Variants in SMTN observed in about 807,000 individuals in gnomAD.
SMTN encodes the protein smoothelin.
Under a neutral mutation model 102.0 loss-of-function variants are expected in SMTN, and 58 were observed. That is an observed-to-expected ratio of 0.57 (90% CI 0.46 to 0.71). SMTN has a LOEUF of 0.71. Among genes scored for constraint, SMTN ranks in the 30% least tolerant of loss-of-function variants. The pLI, the probability that SMTN is intolerant of heterozygous loss-of-function variation, is 0.00. For synonymous variants in SMTN, 478 were observed against 497.9 expected (o/e 0.96, Z 0.53); for missense variants, 1,185 against 1,241.7 (o/e 0.95, Z 0.69).
At chr22:31,102,765 G>A (rs1312027040) in intron 20 of SMTN, 2 of 152,348 alleles carry the variant, frequency 1.3e-5, no homozygotes, top group African/African-American at 4.8e-5. Context: ...CCAGGGAAGG[G>A]AGTGGGGCGG....
Position 31,083,110 on chromosome 22 carries a change from G to A in SMTN, c.-80-69G>A, listed in dbSNP as rs989946511. ...CTCCTAGGTTAGAGAGGGAAAGTAA[G>A]GCACAGAGCCTAAGTGCCTGTGGTT... On this transcript the variant is annotated intron_variant, in intron 1 of 20. Transcript: ENST00000333137. The A allele has an allele frequency of 8.0e-5, 124 of 1,542,094 alleles. No homozygotes were observed. The African/African-American group carries it at 1.5e-3, about 19-fold the overall frequency.
chr22:31,082,902 GT>G lies in SMTN; in HGVS notation c.-80-273del, dbSNP rs2042404142. ...CTCAATCCAGGTCCCTGCCCTCCCT[GT>G]TTTGAGGTTTAGACAGGATGAGAGT... On this transcript the variant is annotated intron_variant, in intron 1 of 20. Coordinates refer to ENST00000333137, the MANE Select transcript of SMTN (RefSeq NM_134269.3). 1.9e-6 allele frequency: 3 copies of G among 1,548,762 alleles called. No homozygotes were observed. In the East Asian group the frequency reaches 7.3e-5, roughly 38 times the overall value.
chr22:31,070,941 A>G (rs56071348), intron 1 of SMTN, among the ~76,000 whole-genome samples: 14 of 124,554 alleles, frequency 1.1e-4, no homozygotes, highest in African/African-American at 2.6e-4. Flanking sequence ...AAAAAAAAAA[A>G]GAAAAGAAAA....
rs1461426176 is a variant in SMTN, at chr22:31,071,675, TC to T, written c.-386+7489del. On this transcript the variant is annotated intron_variant, in intron 1 of 3. Coordinates refer to the SMTN transcript ENST00000422839. Reference sequence around the variant, plus strand: ...TCAACTGGGGAAATAGTTCTAGCTCTCTCTTTCTCTCTCTCTCTCTCTTTTT... The same window carrying T: ...TCAACTGGGGAAATAGTTCTAGCTCTTCTTTCTCTCTCTCTCTCTCTTTTT... Among the ~76,000 whole-genome samples, 560 of 146,188 alleles carry T rather than the reference TC, an allele frequency of 3.8e-3. 14 individuals carry two copies. The highest frequency in any genetic ancestry group is 5.3e-3 in the African/African-American group (202 of 38,468).
chr22:31,077,279 C>T (rs2413026), upstream of SMTN, among the ~76,000 whole-genome samples: 2 of 151,942 alleles, frequency 1.3e-5, no homozygotes, highest in African/African-American at 4.8e-5. Context: ...CATGGTGGCA[C>T]GTGTCTGTAG....
At chr22:31,083,717 G>A (rs1394468106) in intron 2 of SMTN, among the ~76,000 whole-genome samples, 2 of 152,234 alleles carry the variant, frequency 1.3e-5, no homozygotes, top group Non-Finnish European at 2.9e-5. Context: ...GGCAGGCTGG[G>A]TACTGGGTAT....
chr22:31,064,829 T>C (rs907519534), intron 1 of SMTN: 20 of 152,226 alleles, frequency 1.3e-4, no homozygotes, highest in Admixed American at 1.2e-3. Context: ...TAGGAACATC[T>C]TACCTCACCT....
At chr22:31,091,606 TA>T in intron 10 of SMTN, 68 bp from the exon 11 acceptor site, 1 of 1,525,146 alleles carries the variant, frequency 6.6e-7, no homozygotes, top group Non-Finnish European at 8.9e-7. Context: ...GCGAGGGCAT[TA>T]TCAACCTTGT....
At chr22:31,082,715 A>C in intron 1 of SMTN, 1 of 682,712 alleles carries the variant, frequency 1.5e-6, no homozygotes, top group Non-Finnish European at 2.6e-6. Flanking sequence ...TGGTGGTGGC[A>C]GCAAGAACTA....
At chr22:31,083,441 G>A in intron 2 of SMTN, 132 bp downstream of exon 2, 1 of 1,128,256 alleles carries the variant, frequency 8.9e-7, no homozygotes, top group Non-Finnish European at 1.2e-6. Context: ...ATGGGAACAG[G>A]GGTAGGCCAG....
At position 31,097,554 on chromosome 22, in the gene SMTN, AT is replaced by A. The variant is rs1346609166; in HGVS notation, c.2159+218del. 2.0e-5 allele frequency among the ~76,000 whole-genome samples: 3 copies of A among 151,840 alleles called. No homozygotes were observed. The East Asian group carries it at 5.8e-4, about 29-fold the overall frequency. ...CCTCATCTCTACTAAAAATACAAAA[AT>A]TAGCCGGGCGTGGTGGCAGGCACCT... is the stretch of plus-strand genomic sequence containing the variant. On this transcript the variant is annotated intron_variant, in intron 16 of 20. Transcript: ENST00000333137.
rs11913728 is a variant in SMTN, at chr22:31,091,696, C to T, written c.1481C>T (p.Ala494Val). Residue 494 changes from alanine to valine, a missense_variant, in exon 11 of 21, where the codon GCG becomes GTG. Ala to Val is a moderately conservative substitution (Grantham distance 64). Transcript: ENST00000333137. ...QRAELTLGLR[A>V]PPTLLSTSSG... ...TCAGAACTGACACTGGGGCTGCGGG[C>T]GCCCCCGACCCTACTCAGCACCAGT... The T allele has an allele frequency of 1.8e-3, 2,874 of 1,597,882 alleles. 49 individuals are homozygous for T. In the African/African-American group the frequency reaches 0.035, roughly 20 times the overall value.
At chr22:31,093,252 C>T (rs2043273190) in intron 11 of SMTN, 3 of 267,254 alleles carry the variant, frequency 1.1e-5, no homozygotes, top group Non-Finnish European at 7.4e-6. Flanking sequence ...GCCCCTTCCA[C>T]GGAGGAGCCC....
At chr22:31,093,214 T>G (rs1465668010) in intron 11 of SMTN, 1 of 251,542 alleles carries the variant, frequency 4.0e-6, no homozygotes, top group East Asian at 1.1e-4. Context: ...GCGATCCGCC[T>G]GCTTGGGCAG....
intron 3 of SMTN, 114 bp from the exon 4 acceptor site, chr22:31,088,398 AG>A: frequency 1.1e-6 from 1 of 930,470 alleles, no homozygotes; most frequent in Admixed American, 2.0e-5. Context: ...GGGTGTGCAC[AG>A]CCACATGCCC....
chr22:31,099,179 G>A lies in SMTN; in HGVS notation c.2451G>A (p.Glu817=). 6.2e-7 allele frequency: 1 copy of A among 1,609,554 alleles called. No individual in the cohort carries two copies. ...DWCRAKTRGY[E]HVDIQNFSSS... Reference sequence around the variant, plus strand: ...GTCGAGCCAAGACTCGCGGCTACGAGGTGAGCCCCGGGAGGCCAGGGGGCC... The same window carrying A: ...GTCGAGCCAAGACTCGCGGCTACGAAGTGAGCCCCGGGAGGCCAGGGGGCC... Residue 817 remains glutamate, a splice_region_variant and synonymous_variant, in exon 18 of 21, where the codon GAG becomes GAA. Coordinates refer to ENST00000333137, the MANE Select transcript of SMTN (RefSeq NM_134269.3).
intron 1 of SMTN, among the ~76,000 whole-genome samples, chr22:31,075,662 CAG>C (rs1223642024): frequency 7.0e-6 from 1 of 142,604 alleles, no homozygotes; most frequent in African/African-American, 2.6e-5. Context: ...GTCTGGGTGA[CAG>C]AGCGAGACTC....
At chr22:31,102,995 A>G (rs2044218663) in intron 20 of SMTN, 1 of 152,420 alleles carries the variant, frequency 6.6e-6, no homozygotes, top group Non-Finnish European at 1.5e-5. Context: ...GAGATAGAGA[A>G]TAACTGTCCT....
At chr22:31,092,767 TGAC>T (rs2043233661) in intron 11 of SMTN, among the ~76,000 whole-genome samples, 1 of 152,238 alleles carries the variant, frequency 6.6e-6, no homozygotes, top group African/African-American at 2.4e-5. Flanking sequence ...GACCTGGGTC[TGAC>T]ACCACCAACT....
Sources: allele counts gnomAD v4.1 joint callset (sites outside exome capture counted in the v4.1 genomes callset), GRCh38; gene constraint gnomAD v4.1.1; transcripts MANE v1.5; gene names NCBI Gene and HGNC (gene_info 2026-07-23, HGNC 2026-07-21).